Variants in NIN observed in about 807,000 individuals in gnomAD.
The protein encoded by NIN is ninein.
In NIN, 137 loss-of-function variants were observed where a neutral mutation model predicts 257.6. The observed-to-expected ratio is 0.53, with a 90% CI of 0.46 to 0.61. NIN has a LOEUF of 0.61. NIN is among the 20% of genes least tolerant of loss of function. The pLI, the probability that NIN is intolerant of heterozygous loss-of-function variation, is 0.00. For synonymous variants in NIN, 918 were observed against 919.8 expected, an observed-to-expected ratio of 1.00 and a Z score of 0.04; for missense variants, 2,439 against 2,501.2, an observed-to-expected ratio of 0.98 and a Z score of 0.53.
intron 16 of NIN, 92 bp downstream of exon 16, chr14:50,761,698 T>C (rs1432455208): frequency 4.8e-6 from 7 of 1,446,996 alleles, no homozygotes; most frequent in Non-Finnish European, 4.8e-6. Context: ...AATGTGCTGC[T>C]CTATGAGAAA....
chr14:50,725,803 A>G (rs2040385602), intron 30 of NIN, 150 bp downstream of exon 30: 3 of 1,433,918 alleles, frequency 2.1e-6, no homozygotes, highest in African/African-American at 1.4e-5. Flanking sequence ...TATGAGGGAT[A>G]GCAAATCCTA....
chr14:50,765,497 C>T (rs2042444537), intron 14 of NIN, among the ~76,000 whole-genome samples: 1 of 152,128 alleles, frequency 6.6e-6, no homozygotes, highest in Admixed American at 6.5e-5. Context: ...AACTTTTTAT[C>T]TAAGTAGCTG....
chr14:50,746,716 T>TGAAA (rs923663762), intron 22 of NIN, among the ~76,000 whole-genome samples: 6 of 152,368 alleles, frequency 3.9e-5, no homozygotes, highest in Admixed American at 3.9e-4. Flanking sequence ...TTGTTCCAAT[T>TGAAA]GAAAGACTCC....
intron 25 of NIN, among the ~76,000 whole-genome samples, chr14:50,740,659 T>G (rs1350787836): frequency 6.6e-6 from 1 of 152,140 alleles, no homozygotes; most frequent in Non-Finnish European, 1.5e-5. Context: ...TTTTTGTATT[T>G]GTAGTAGAGA....
Position 50,770,978 on chromosome 14 carries a change from T to G in NIN, c.1133A>C (p.Gln378Pro). 7 of 1,613,996 alleles carry G rather than the reference T, an allele frequency of 4.3e-6. No homozygotes were observed. The highest frequency in any genetic ancestry group is 5.9e-6 in the Non-Finnish European group (7 of 1,179,970). Residue 378 changes from glutamine (Q) to proline (P), a missense_variant, in exon 11 of 31, where the codon CAG (glutamine) becomes CCG (proline). Around this residue, in one of 3 missense-constraint regions of NIN, gnomAD observed 2,043 missense variants for 2,050.2 expected, o/e 1.00. Transcript: ENST00000530997. Reference protein sequence around the residue: ...EIRHLLERVDQVVREKEKLRS... With the variant: ...EIRHLLERVDPVVREKEKLRS... ...TAGCTTCTCTTTTTCTCTGACCACC[T>G]GATCAACTCGTTCCCTAGGATCAGA...
chr14:50,755,660 T>C (rs2041990817), intron 18 of NIN, among the ~76,000 whole-genome samples: 1 of 49,534 alleles, frequency 2.0e-5, no homozygotes, highest in Non-Finnish European at 4.7e-5. Context: ...TTTTTTTTTT[T>C]TTTTTTTTTT....
rs765890583 is a variant in NIN, at chr14:50,763,996, T to C, written c.1636-32A>G. 3 of 1,585,430 alleles carry C rather than the reference T, an allele frequency of 1.9e-6. No homozygotes were observed. In the East Asian group the frequency reaches 6.7e-5, roughly 36 times the overall value. ...TTTAAAAACCAACACTGGTCTTAGA[T>C]GTGACACCAAAAGCATAAGCAACAA... On this transcript the variant is annotated intron_variant, in intron 14 of 30. Coordinates refer to ENST00000530997, the MANE Select transcript of NIN (RefSeq NM_020921.4).
chr14:50,792,795 C>A lies in NIN; in HGVS notation c.352G>T (p.Glu118Ter), dbSNP rs1313519521. 1 of 1,614,100 alleles carries A rather than the reference C, an allele frequency of 6.2e-7. No homozygotes were observed. The highest frequency in any genetic ancestry group is 8.5e-7 in the Non-Finnish European group (1 of 1,180,056). ...RSLPEFQESVEEFPEVTVIEP... is the reference protein window; with the variant it reads ...RSLPEFQESV ...ATCACCGTCACTTCAGGAAACTCCT[C>A]CACGGACTCTTGGAACTCGGGCAAG... is the stretch of plus-strand genomic sequence containing the variant. Residue 118 changes from glutamate to a stop codon, truncating the protein, a stop_gained, in exon 5 of 31, where the codon GAG becomes TAG. Coordinates refer to ENST00000530997, the MANE Select transcript of NIN (RefSeq NM_020921.4). LOFTEE classifies it high-confidence loss of function.
chr14:50,830,466 T>C lies in NIN; in HGVS notation c.-24A>G, dbSNP rs2045654198. 6.0e-6 allele frequency: 1 copy of C among 165,906 alleles called. No individual in the cohort carries two copies. Among genetic ancestry groups the C allele is most frequent in the Non-Finnish European group, 1.5e-5 (1 of 68,032 alleles). 10.3% of individuals were successfully genotyped at this position (165,906 alleles called of 1,614,324 possible). ...CCGGCCCCGCCGCCCTCGCCTACCT[T>C]CTGTCGGTCTCTCCGGAGCGCCCGC... On this transcript the variant is annotated splice_region_variant and 5_prime_UTR_variant, in exon 2 of 31. Coordinates refer to ENST00000530997, the MANE Select transcript of NIN (RefSeq NM_020921.4).
chr14:50,789,903 CAAG>C (rs2043512251), intron 5 of NIN, among the ~76,000 whole-genome samples: 1 of 152,316 alleles, frequency 6.6e-6, no homozygotes, highest in East Asian at 1.9e-4. Context: ...CAGTAAGTAA[CAAG>C]ACTGATGCAT....
At chr14:50,820,538 G>A (rs1267947602) in intron 3 of NIN, among the ~76,000 whole-genome samples, 3 of 152,180 alleles carry the variant, frequency 2.0e-5, no homozygotes, top group Non-Finnish European at 4.4e-5. Flanking sequence ...ACTGGGAGAT[G>A]CCAGTTTTTT....
At chr14:50,807,118 T>A (rs1027019665) in intron 3 of NIN, among the ~76,000 whole-genome samples, 10 of 152,226 alleles carry the variant, frequency 6.6e-5, no homozygotes, top group Non-Finnish European at 1.5e-5. Context: ...CTGCTTTTAT[T>A]TTTCTGAACA....
At chr14:50,782,713 C>A (rs2043183355) in intron 5 of NIN, among the ~76,000 whole-genome samples, 1 of 152,206 alleles carries the variant, frequency 6.6e-6, no homozygotes, top group Admixed American at 6.5e-5. Context: ...TAAATTCTCA[C>A]TAAATTTATT....
intron 20 of NIN, 64 bp from the exon 21 acceptor site, chr14:50,752,797 A>AC: frequency 2.5e-6 from 2 of 798,672 alleles, no homozygotes; most frequent in Non-Finnish European, 3.9e-6. Context: ...AAAAAAAAAA[A>AC]CAGATTTAGA....
chr14:50,723,842 C>G, intron 30 of NIN, 170 bp from the exon 31 acceptor site: 1 of 597,966 alleles, frequency 1.7e-6, no homozygotes, highest in Non-Finnish European at 2.9e-6. Flanking sequence ...TCAGGGACAC[C>G]ATTGGAACAA....
At chr14:50,779,143 A>C (rs897286676) in intron 5 of NIN, among the ~76,000 whole-genome samples, 1 of 152,242 alleles carries the variant, frequency 6.6e-6, no homozygotes, top group Non-Finnish European at 1.5e-5. Context: ...GTATCTGTAC[A>C]CATGCATTTA....
chr14:50,791,815 AC>A (rs1367151259), intron 5 of NIN, among the ~76,000 whole-genome samples: 20 of 149,630 alleles, frequency 1.3e-4, no homozygotes, highest in East Asian at 5.8e-4. Context: ...GCGCACACAC[AC>A]ACACACACAC....
At chr14:50,739,733 T>C (rs1057096987) in intron 25 of NIN, among the ~76,000 whole-genome samples, 2 of 152,254 alleles carry the variant, frequency 1.3e-5, no homozygotes, top group South Asian at 4.1e-4. Flanking sequence ...AAAACAGCCA[T>C]GCCATGTCCA....
At chr14:50,831,199 G>T (rs2045692006), upstream of NIN, 1 of 151,358 alleles carries the variant, frequency 6.6e-6, no homozygotes, top group African/African-American at 2.4e-5. Flanking sequence ...GGCGACGCCG[G>T]CCCCGGCGCG....
Sources: allele counts gnomAD v4.1 joint callset (sites outside exome capture counted in the v4.1 genomes callset), GRCh38; gene constraint gnomAD v4.1.1; regional missense constraint gnomAD v4.1.1; transcripts MANE v1.5; gene names NCBI Gene and HGNC (gene_info 2026-07-23, HGNC 2026-07-21).